TBC1D22A: variants seen among roughly 807,000 people sequenced by gnomAD.
TBC1D22A encodes TBC1 domain family member 22A.
Under a neutral mutation model 60.2 loss-of-function variants are expected in TBC1D22A, and 38 were observed. The ratio of observed to expected loss-of-function variants is 0.63; its 90% CI spans 0.49 to 0.83. The LOEUF (loss-of-function observed/expected upper bound fraction) is 0.83, where lower values mean the gene tolerates loss of function less well. Ranked by LOEUF, TBC1D22A falls within the 40% of genes least tolerant of loss-of-function variation. The pLI is 0.00. For missense variants in TBC1D22A, 628 were observed against 701.0 expected (o/e 0.90, Z 1.18); for synonymous variants, 302 against 281.7 (o/e 1.07, Z -0.72).
intron 8 of TBC1D22A, among the ~76,000 whole-genome samples, chr22:46,959,961 G>T (rs539262893): frequency 3.3e-5 from 5 of 152,272 alleles, no homozygotes; most frequent in African/African-American, 1.2e-4. Context: ...TTGTCCACAG[G>T]CTCCTTTTGA....
At chr22:46,993,933 G>A (rs1602873234) in intron 9 of TBC1D22A, among the ~76,000 whole-genome samples, 5 of 152,200 alleles carry the variant, frequency 3.3e-5, no homozygotes, top group African/African-American at 1.2e-4. Context: ...TAGCCTTGGC[G>A]CCTCGCCCTC....
intron 8 of TBC1D22A, among the ~76,000 whole-genome samples, chr22:46,941,429 AAT>A (rs1476294895): frequency 7.0e-6 from 1 of 143,204 alleles, no homozygotes; most frequent in Admixed American, 7.1e-5. Flanking sequence ...ATATACACGG[AAT>A]ATATATACAC....
At chr22:46,839,496 T>C (rs1379377374) in intron 4 of TBC1D22A, among the ~76,000 whole-genome samples, 2 of 152,110 alleles carry the variant, frequency 1.3e-5, no homozygotes, top group African/African-American at 4.8e-5. Flanking sequence ...TGGGAAAAAT[T>C]AATATTGTTA....
intron 11 of TBC1D22A, among the ~76,000 whole-genome samples, chr22:47,063,461 G>A (rs1215815212): frequency 2.0e-5 from 3 of 152,174 alleles, no homozygotes; most frequent in South Asian, 4.1e-4. Context: ...CAGAGAGACC[G>A]GCGGGGGTGT....
chr22:46,783,342 C>T (rs372713712), intron 1 of TBC1D22A, among the ~76,000 whole-genome samples: 1 of 152,200 alleles, frequency 6.6e-6, no homozygotes, highest in Admixed American at 6.5e-5. Context: ...GCAGTGTGCC[C>T]GTGTCCAGGC....
At position 46,763,130 on chromosome 22, in the gene TBC1D22A, C is replaced by A. The variant is rs565568156; in HGVS notation, c.62+282C>A. 16 of 420,382 alleles carry A rather than the reference C, an allele frequency of 3.8e-5. No homozygotes were observed. In the South Asian group the frequency reaches 5.5e-4, roughly 15 times the overall value. 26.0% of individuals were successfully genotyped at this position (420,382 alleles called of 1,614,324 possible). ...TTCTTTCCGAGAAACTCCTGGGCTCCTTGGGGAGGCTGGAAGGAACTGATT... is the reference window on the plus strand; with the variant it reads ...TTCTTTCCGAGAAACTCCTGGGCTCATTGGGGAGGCTGGAAGGAACTGATT... On this transcript the variant is annotated intron_variant, in intron 1 of 12. Coordinates refer to ENST00000337137, the MANE Select transcript of TBC1D22A (RefSeq NM_014346.5).
At chr22:47,087,082 G>A (rs2064727362) in intron 11 of TBC1D22A, among the ~76,000 whole-genome samples, 1 of 152,254 alleles carries the variant, frequency 6.6e-6, no homozygotes, top group African/African-American at 2.4e-5. Flanking sequence ...TACTGGAGGT[G>A]CAAGGTGCAG....
intron 9 of TBC1D22A, among the ~76,000 whole-genome samples, chr22:46,984,344 G>A (rs1602806628): frequency 8.4e-6 from 1 of 119,240 alleles, no homozygotes. Context: ...TCCAGCCGGG[G>A]CGACAGAACC....
chr22:46,841,073 T>TGTGAGA (rs35099198), intron 4 of TBC1D22A, among the ~76,000 whole-genome samples: 39 of 148,568 alleles, frequency 2.6e-4, no homozygotes, highest in Admixed American at 4.0e-4. Flanking sequence ...TGTGTGTGTG[T>TGTGAGA]GAGAGAGAGA....
At chr22:46,843,383 G>A (rs957309017) in intron 4 of TBC1D22A, among the ~76,000 whole-genome samples, 4 of 152,178 alleles carry the variant, frequency 2.6e-5, no homozygotes, top group African/African-American at 7.2e-5. Context: ...CTGCCCGGCC[G>A]GTGCTGCAGC....
At chr22:47,030,521 GT>G (rs2062436008) in intron 10 of TBC1D22A, among the ~76,000 whole-genome samples, 2 of 152,216 alleles carry the variant, frequency 1.3e-5, no homozygotes, top group Non-Finnish European at 2.9e-5. Flanking sequence ...TATTGTGGTT[GT>G]TTCTCCAGCT....
intron 4 of TBC1D22A, among the ~76,000 whole-genome samples, chr22:46,868,902 G>A (rs1335173232): frequency 6.6e-6 from 1 of 150,982 alleles, no homozygotes; most frequent in Non-Finnish European, 1.5e-5. Context: ...GTTCATTTGC[G>A]GGGTGAGGTG....
intron 4 of TBC1D22A, among the ~76,000 whole-genome samples, chr22:46,829,173 T>C (rs1267261447): frequency 2.0e-5 from 3 of 152,208 alleles, no homozygotes; most frequent in African/African-American, 7.2e-5. Flanking sequence ...TTGACTCTTC[T>C]CTCTGTCCTT....
intron 10 of TBC1D22A, among the ~76,000 whole-genome samples, chr22:47,036,376 G>A (rs13340052): frequency 0.021 from 3,203 of 152,310 alleles, 99 homozygotes; most frequent in African/African-American, 0.072. Context: ...AGCAGGGGGT[G>A]AGGCAGGGAG....
Position 47,016,571 on chromosome 22 carries a change from C to G in TBC1D22A, c.1201+18862C>G, listed in dbSNP as rs143343905. ...CAGTATGTGCTTGTAGGACACCGAG[C>G]TCTTTGCCCGATAGTGTCAGTGGGA... On this transcript the variant is annotated intron_variant, in intron 10 of 12. Transcript: ENST00000337137. Among the ~76,000 whole-genome samples, 914 of 152,300 alleles carry G rather than the reference C, an allele frequency of 6.0e-3. 9 individuals carry two copies. Among genetic ancestry groups the G allele is most frequent in the African/African-American group, 0.02 (846 of 41,566 alleles).
At chr22:46,930,201 G>A (rs889683845) in intron 8 of TBC1D22A, among the ~76,000 whole-genome samples, 8 of 152,098 alleles carry the variant, frequency 5.3e-5, no homozygotes, top group Non-Finnish European at 1.2e-4. Context: ...AGACCACGCC[G>A]GCCTGCAGTC....
At chr22:46,993,116 ACT>A (rs2075006078) in intron 9 of TBC1D22A, among the ~76,000 whole-genome samples, 3 of 152,102 alleles carry the variant, frequency 2.0e-5, no homozygotes, top group Middle Eastern at 3.4e-3. Context: ...GGCAGGTTTG[ACT>A]CTGGGTACTT....
At chr22:47,056,189 A>C (rs2063387878) in intron 11 of TBC1D22A, among the ~76,000 whole-genome samples, 1 of 151,810 alleles carries the variant, frequency 6.6e-6, no homozygotes, top group South Asian at 2.1e-4. Context: ...CGGGCTGGGT[A>C]ACGCTCCACA....
At chr22:47,118,243 TG>T (rs2066141228) in intron 12 of TBC1D22A, among the ~76,000 whole-genome samples, 3 of 152,200 alleles carry the variant, frequency 2.0e-5, no homozygotes, top group Admixed American at 2.0e-4. Flanking sequence ...TAAGTATTTA[TG>T]GAATACTTAC....
Sources: allele counts gnomAD v4.1 joint callset (sites outside exome capture counted in the v4.1 genomes callset), GRCh38; gene constraint gnomAD v4.1.1; transcripts MANE v1.5; gene names NCBI Gene and HGNC (gene_info 2026-07-23, HGNC 2026-07-21).